The following CNTN1 variants were observed in gnomAD, a reference collection of about 807,000 sequenced individuals.
CNTN1 encodes contactin-1.
CNTN1 carries 38 observed loss-of-function variants against 126.4 expected under a neutral mutation model. The ratio of observed to expected loss-of-function variants is 0.30; its 90% CI spans 0.23 to 0.39. CNTN1 has a LOEUF of 0.39. CNTN1 is among the 10% of genes least tolerant of loss of function. The pLI, the probability that CNTN1 is intolerant of heterozygous loss-of-function variation, is 1.00. For synonymous variants in CNTN1, 413 were observed against 422.6 expected, an observed-to-expected ratio of 0.98 and a Z score of 0.28; for missense variants, 1,009 against 1,248.4, an observed-to-expected ratio of 0.81 and a Z score of 2.89.
At chr12:40,721,064 G>GA (rs1942196150) in intron 1 of CNTN1, among the ~76,000 whole-genome samples, 1 of 151,616 alleles carries the variant, frequency 6.6e-6, no homozygotes, top group African/African-American at 2.4e-5. Context: ...AATATAAAGT[G>GA]AAATATGTTT....
intron 16 of CNTN1, among the ~76,000 whole-genome samples, chr12:40,987,495 G>C (rs1947984518): frequency 2.0e-5 from 3 of 152,112 alleles, no homozygotes; most frequent in Admixed American, 2.0e-4. Flanking sequence ...ACAAATGATA[G>C]AATATTGTTA....
chr12:40,835,181 T>A (rs939519865), intron 1 of CNTN1, among the ~76,000 whole-genome samples: 1 of 152,142 alleles, frequency 6.6e-6, no homozygotes, highest in African/African-American at 2.4e-5. Flanking sequence ...CCATTACAAG[T>A]CATTTGGTCT....
At chr12:40,830,786 A>T (rs1336050419) in intron 1 of CNTN1, among the ~76,000 whole-genome samples, 12 of 95,514 alleles carry the variant, frequency 1.3e-4, no homozygotes, top group African/African-American at 4.8e-4. Flanking sequence ...GGGAGAAAGT[A>T]TAGTGTATAT....
intron 1 of CNTN1, among the ~76,000 whole-genome samples, chr12:40,828,759 A>G (rs1941705479): frequency 1.3e-5 from 2 of 152,214 alleles, no homozygotes; most frequent in Admixed American, 1.3e-4. Flanking sequence ...GAGGTACTCA[A>G]ACTCAAATAC....
chr12:40,799,670 G>A (rs1047726249), intron 1 of CNTN1, among the ~76,000 whole-genome samples: 3 of 151,962 alleles, frequency 2.0e-5, no homozygotes, highest in African/African-American at 4.8e-5. Context: ...TGCAAGCTCT[G>A]TACTAGATGT....
At chr12:40,899,812 AG>A (rs1358332936) in intron 1 of CNTN1, among the ~76,000 whole-genome samples, 1 of 152,236 alleles carries the variant, frequency 6.6e-6, no homozygotes, top group Non-Finnish European at 1.5e-5. Flanking sequence ...CTGTTAATGT[AG>A]GTGGCCCTTG....
intron 15 of CNTN1, among the ~76,000 whole-genome samples, chr12:40,980,430 C>T (rs1054558437): frequency 3.1e-5 from 4 of 130,572 alleles, no homozygotes; most frequent in African/African-American, 8.7e-5. Context: ...GCCTGGGTGA[C>T]AGAGTGAGAC....
At chr12:40,778,531 T>A (rs1376151067) in intron 1 of CNTN1, among the ~76,000 whole-genome samples, 1 of 151,874 alleles carries the variant, frequency 6.6e-6, no homozygotes, top group Non-Finnish European at 1.5e-5. Context: ...TGCTCAATTC[T>A]ACAAATAGAC....
intron 1 of CNTN1, among the ~76,000 whole-genome samples, chr12:40,768,280 G>A (rs1417177991): frequency 6.6e-6 from 1 of 152,238 alleles, no homozygotes; most frequent in Admixed American, 6.5e-5. Flanking sequence ...TCACGTAGCT[G>A]GTAAGGGTTG....
At chr12:40,920,839 A>G (rs1945415855) in intron 4 of CNTN1, among the ~76,000 whole-genome samples, 1 of 152,242 alleles carries the variant, frequency 6.6e-6, no homozygotes, top group Admixed American at 6.5e-5. Context: ...TATGTTTCTG[A>G]AACTAGACCA....
At chr12:40,999,097 A>T (rs750915218) in intron 17 of CNTN1, among the ~76,000 whole-genome samples, 3 of 152,194 alleles carry the variant, frequency 2.0e-5, no homozygotes, top group Non-Finnish European at 2.9e-5. Context: ...GAAAATTGGC[A>T]GCATTAATTT....
chr12:40,933,513 T>C lies in CNTN1; in HGVS notation c.756T>C (p.Tyr252=), dbSNP rs372328375. Reference sequence around the variant, plus strand: ...TTGTAGTTCAGTTCAAGGATGTATATGCATTGATGGGCCAAAATGTGACCT... The same window carrying C: ...TTGTAGTTCAGTTCAAGGATGTATACGCATTGATGGGCCAAAATGTGACCT... The part of the protein sequence containing the change: ...ADIVVQFKDV[Y]ALMGQNVTLE... Residue 252 remains tyrosine (Y), a synonymous_variant, in exon 8 of 24, where the codon TAT becomes TAC. Transcript: ENST00000551295. 3.1e-6 allele frequency: 5 copies of C among 1,612,124 alleles called. No homozygotes were observed. The African/African-American group carries it at 4.0e-5, about 13-fold the overall frequency.
At chr12:40,694,234 G>C (rs1463705014) in intron 1 of CNTN1, among the ~76,000 whole-genome samples, 2 of 152,136 alleles carry the variant, frequency 1.3e-5, no homozygotes, top group African/African-American at 4.8e-5. Flanking sequence ...GTAGATGTGA[G>C]GTATTTCTTT....
At chr12:40,928,383 A>G (rs1486405435) in intron 6 of CNTN1, among the ~76,000 whole-genome samples, 1 of 152,048 alleles carries the variant, frequency 6.6e-6, no homozygotes, top group East Asian at 1.9e-4. Context: ...AAGAAATTTA[A>G]GCAGCTCCCT....
intron 1 of CNTN1, among the ~76,000 whole-genome samples, chr12:40,884,818 A>T (rs1943977344): frequency 6.6e-6 from 1 of 151,554 alleles, no homozygotes; most frequent in Non-Finnish European, 1.5e-5. Context: ...ATCTTTTTGA[A>T]GTTTTTTCCC....
rs114950101 is a variant in CNTN1 at position 40,928,570 on chromosome 12, C to T, written c.497-1226C>T. On this transcript the variant is annotated intron_variant, in intron 6 of 23. Transcript: ENST00000551295. ...GCCTCTTTTTATCTGTATTCTGTTT[C>T]TTCAATAATAAACATATGCTGCTGC... 5.5e-3 allele frequency among the ~76,000 whole-genome samples: 830 copies of T among 152,056 alleles called. 14 individuals are homozygous for T. The highest frequency in any genetic ancestry group is 0.019 in the African/African-American group (784 of 41,524).
At chr12:40,835,333 C>T (rs977252457) in intron 1 of CNTN1, among the ~76,000 whole-genome samples, 7 of 152,092 alleles carry the variant, frequency 4.6e-5, no homozygotes, top group African/African-American at 1.7e-4. Flanking sequence ...ATAGAAAGTA[C>T]CATACCCAGG....
At chr12:40,930,513 G>A (rs77528645) in intron 7 of CNTN1, among the ~76,000 whole-genome samples, 2,680 of 151,974 alleles carry the variant, frequency 0.018, 74 homozygotes, top group African/African-American at 0.06. Context: ...TGCTACCCTG[G>A]TAGCACCATG....
chr12:40,728,775 C>G (rs891312037), intron 1 of CNTN1: 1 of 152,260 alleles, frequency 6.6e-6, no homozygotes, highest in Non-Finnish European at 1.5e-5. Context: ...TCCTCCTCCT[C>G]TTTCCGGGTG....
Sources: allele counts gnomAD v4.1 joint callset (sites outside exome capture counted in the v4.1 genomes callset), GRCh38; gene constraint gnomAD v4.1.1; transcripts MANE v1.5; gene names NCBI Gene and HGNC (gene_info 2026-07-23, HGNC 2026-07-21).